The following CADPS variants were observed in gnomAD, a reference collection of about 807,000 sequenced individuals.
The protein encoded by CADPS is calcium-dependent secretion activator 1.
CADPS carries 57 observed loss-of-function variants against 167.3 expected under a neutral mutation model. The ratio of observed to expected loss-of-function variants is 0.34; its 90% CI spans 0.28 to 0.42. CADPS has a LOEUF of 0.42. Among genes scored for constraint, CADPS ranks in the 20% least tolerant of loss-of-function variants. CADPS has a pLI of 1.00. For missense variants in CADPS, 1,414 were observed against 1,738.1 expected (o/e 0.81, Z 3.32); for synonymous variants, 676 against 635.3 (o/e 1.06, Z -0.96).
intron 11 of CADPS, among the ~76,000 whole-genome samples, chr3:62,545,302 G>A (rs1309741699): frequency 1.3e-5 from 2 of 151,964 alleles, no homozygotes; most frequent in African/African-American, 4.8e-5. Flanking sequence ...AACACATAAT[G>A]GACAGGGGAT....
rs555326800 is a variant in CADPS, at chr3:62,514,427, C to G, written c.2581+1632G>C. Among the ~76,000 whole-genome samples, 24 of 151,912 alleles carry G rather than the reference C, an allele frequency of 1.6e-4. No individual in the cohort carries two copies. The highest frequency in any genetic ancestry group is 9.2e-4 in the Admixed American group (14 of 15,238). ...AAGGAAGGAGAGAAGCGGAAGAGAG[C>G]AGGTAGTGTGGAATGAGGTACTTCT... is the stretch of plus-strand genomic sequence containing the variant. On this transcript the variant is annotated intron_variant, in intron 16 of 29. Transcript: ENST00000383710. This position sits in a 1 kb window ranked among gnomAD's most constrained non-coding sequence, Gnocchi z 4.2.
At chr3:62,563,699 CT>C (rs2079581683) in intron 9 of CADPS, among the ~76,000 whole-genome samples, 2 of 152,068 alleles carry the variant, frequency 1.3e-5, no homozygotes, top group Admixed American at 1.3e-4. Flanking sequence ...TCTTCCCACC[CT>C]TTCCCCCTGA....
intron 1 of CADPS, among the ~76,000 whole-genome samples, chr3:62,780,740 C>T (rs996438109): frequency 2.6e-5 from 4 of 152,122 alleles, no homozygotes; most frequent in African/African-American, 9.7e-5. Context: ...CTTATTTTTC[C>T]ATTCCTTTGC....
intron 9 of CADPS, among the ~76,000 whole-genome samples, chr3:62,558,223 C>G (rs1031834386): frequency 5.9e-5 from 9 of 152,222 alleles, no homozygotes; most frequent in Non-Finnish European, 1.2e-4. Context: ...CCTCAGCCCC[C>G]ACAATGGCGT....
In CADPS at chr3:62,439,346, A is replaced by G. The variant is rs1392465644; in HGVS notation, c.3670-1135T>C. ...TTTTCCTGATACAAAGCAAACAATT[A>G]TCATGCAAAGGGCCAATGCTTGGCC... On this transcript the variant is annotated intron_variant, in intron 27 of 29. Coordinates refer to ENST00000383710, the MANE Select transcript of CADPS (RefSeq NM_003716.4). 2.6e-5 allele frequency: 4 copies of G among 152,206 alleles called. No homozygotes were observed. In the East Asian group the frequency reaches 7.7e-4, roughly 29 times the overall value. 9.4% of individuals were successfully genotyped at this position (152,206 alleles called of 1,614,324 possible).
At chr3:62,790,020 T>C (rs1361833085) in intron 1 of CADPS, among the ~76,000 whole-genome samples, 1 of 152,126 alleles carries the variant, frequency 6.6e-6, no homozygotes, top group Non-Finnish European at 1.5e-5. Context: ...TTTAGGTACA[T>C]GAATACAAGC....
intron 21 of CADPS, among the ~76,000 whole-genome samples, chr3:62,490,722 A>G (rs2063555022): frequency 6.6e-6 from 1 of 152,188 alleles, no homozygotes; most frequent in South Asian, 2.1e-4. Flanking sequence ...TTTCCTAAAC[A>G]TACTTGGCCA....
Position 62,419,999 on chromosome 3 carries a change from C to T in CADPS, c.3778-16814G>A, listed in dbSNP as rs77122627. Among the ~76,000 whole-genome samples, 43 of 152,208 alleles carry T rather than the reference C, an allele frequency of 2.8e-4. No homozygotes were observed. In the East Asian group the frequency reaches 7.5e-3, roughly 27 times the overall value. ...TCTTACTTAGGAAAATTCAAATTGACTTTAGGGAGTTGCTTTCCCGGGCTG... is the reference window on the plus strand; with the variant it reads ...TCTTACTTAGGAAAATTCAAATTGATTTTAGGGAGTTGCTTTCCCGGGCTG... On this transcript the variant is annotated intron_variant, in intron 28 of 29. Coordinates refer to ENST00000383710, the MANE Select transcript of CADPS (RefSeq NM_003716.4).
intron 27 of CADPS, among the ~76,000 whole-genome samples, chr3:62,445,048 T>C (rs1173657607): frequency 6.6e-6 from 1 of 152,232 alleles, no homozygotes; most frequent in Non-Finnish European, 1.5e-5. Flanking sequence ...ATTTTGCTAA[T>C]AGGCAGGGCA....
intron 4 of CADPS, among the ~76,000 whole-genome samples, chr3:62,655,766 GCTCA>G (rs1190504464): frequency 3.9e-5 from 6 of 152,252 alleles, no homozygotes; most frequent in African/African-American, 1.4e-4. Flanking sequence ...AGACACTGGA[GCTCA>G]CTGACAGTGC....
chr3:62,530,916 G>T, intron 13 of CADPS: 1 of 503,326 alleles, frequency 2.0e-6, no homozygotes, highest in Non-Finnish European at 2.6e-6. Flanking sequence ...AAAAAGAAGG[G>T]TGCATGAAAA....
At chr3:62,638,107 A>ATATATATATATAT (rs1579348080) in intron 6 of CADPS, among the ~76,000 whole-genome samples, 1 of 150,334 alleles carries the variant, frequency 6.7e-6, no homozygotes, top group South Asian at 2.1e-4. Flanking sequence ...ATATATATAT[A>ATATATATATATAT]GCAATTAATT....
rs746966719 is a variant in CADPS at position 62,544,410 on chromosome 3, G to A, written c.1966+5493C>T. Among the ~76,000 whole-genome samples, 2 of 151,530 alleles carry A rather than the reference G, an allele frequency of 1.3e-5. No individual in the cohort carries two copies. The highest frequency in any genetic ancestry group is 4.9e-5 in the African/African-American group (2 of 41,150). ...TGGTACTCTGACCATTCGAATCTTT[G>A]GAATGGGAAAGGAAAAACAACAACA... On this transcript the variant is annotated intron_variant, in intron 11 of 29. Coordinates refer to ENST00000383710, the MANE Select transcript of CADPS (RefSeq NM_003716.4). The surrounding 1 kb of genome is among the most constrained non-coding windows in gnomAD (Gnocchi z 4.4).
chr3:62,660,650 G>A (rs2072975187), intron 4 of CADPS, among the ~76,000 whole-genome samples: 1 of 152,102 alleles, frequency 6.6e-6, no homozygotes, highest in South Asian at 2.1e-4. Flanking sequence ...TCCATAAAGT[G>A]AAAAGCTCTA....
intron 1 of CADPS, among the ~76,000 whole-genome samples, chr3:62,771,951 G>A (rs1340578360): frequency 4.6e-5 from 7 of 152,316 alleles, no homozygotes; most frequent in Middle Eastern, 3.4e-3. Context: ...GCAAGCTCAA[G>A]TCACATGCTA....
chr3:62,576,025 A>C (rs2082197882), intron 8 of CADPS, among the ~76,000 whole-genome samples: 1 of 152,190 alleles, frequency 6.6e-6, no homozygotes, highest in African/African-American at 2.4e-5. Context: ...AAACATGCTC[A>C]TTAAATAGGA....
chr3:62,447,018 G>A (rs535783141), intron 26 of CADPS, among the ~76,000 whole-genome samples: 57 of 152,288 alleles, frequency 3.7e-4, no homozygotes, highest in African/African-American at 1.4e-3. Context: ...GATTTCCTCT[G>A]TTGCTCTTTT....
intron 24 of CADPS, among the ~76,000 whole-genome samples, chr3:62,467,842 T>C (rs2060124136): frequency 6.6e-6 from 1 of 152,082 alleles, no homozygotes; most frequent in African/African-American, 2.4e-5. Flanking sequence ...TAAGTCTCTG[T>C]TTGGGAGATC....
chr3:62,721,410 TTGAA>T (rs2075807234), intron 3 of CADPS, among the ~76,000 whole-genome samples: 1 of 152,148 alleles, frequency 6.6e-6, no homozygotes, highest in African/African-American at 2.4e-5. Context: ...GAGTTTGTCC[TTGAA>T]CCCAGACAAC....
Sources: allele counts gnomAD v4.1 joint callset (sites outside exome capture counted in the v4.1 genomes callset), GRCh38; gene constraint gnomAD v4.1.1; non-coding constraint Gnocchi (gnomAD v3.1); transcripts MANE v1.5; gene names NCBI Gene and HGNC (gene_info 2026-07-23, HGNC 2026-07-21).